The following ATOSA variants were observed in gnomAD, a reference collection of about 807,000 sequenced individuals.
ATOSA encodes atos homolog protein A.
the ATOSA span, among the ~76,000 whole-genome samples, chr15:52,642,239 A>G: frequency 3.3e-5 from 5 of 152,236 alleles, no homozygotes; most frequent in African/African-American, 1.2e-4. Flanking sequence ...TCTCTCAATA[A>G]AACAAAAATC....
chr15:52,681,038 G>C, the ATOSA span, among the ~76,000 whole-genome samples: 1 of 152,208 alleles, frequency 6.6e-6, no homozygotes. Flanking sequence ...TAATGCAAAA[G>C]AGGTAAAAAG....
chr15:52,592,436 C>G, the ATOSA span, among the ~76,000 whole-genome samples: 1 of 152,152 alleles, frequency 6.6e-6, no homozygotes, highest in East Asian at 1.9e-4. Context: ...AGGGCTGATA[C>G]TAATCATATA....
At chr15:52,683,360 C>A in the ATOSA span, among the ~76,000 whole-genome samples, 1 of 152,194 alleles carries the variant, frequency 6.6e-6, no homozygotes, top group African/African-American at 2.4e-5. Flanking sequence ...CTACAATATT[C>A]TGAAATAAGT....
At chr15:52,686,179 G>C in the ATOSA span, among the ~76,000 whole-genome samples, 1 of 152,208 alleles carries the variant, frequency 6.6e-6, no homozygotes, top group Non-Finnish European at 1.5e-5. Context: ...TGAGCTGGTA[G>C]AGATACTGTT....
chr15:52,703,567 T>A, the ATOSA span, among the ~76,000 whole-genome samples: 1 of 152,080 alleles, frequency 6.6e-6, no homozygotes, highest in Non-Finnish European at 1.5e-5. Flanking sequence ...CAACCAGCAA[T>A]TTTACTCCTA....
the ATOSA span, among the ~76,000 whole-genome samples, chr15:52,683,717 A>C: frequency 2.0e-5 from 3 of 152,252 alleles, no homozygotes; most frequent in African/African-American, 7.2e-5. Context: ...AAGTTTAAGC[A>C]GTTAGGCAGT....
At chr15:52,672,890 A>G in the ATOSA span, among the ~76,000 whole-genome samples, 1 of 152,194 alleles carries the variant, frequency 6.6e-6, no homozygotes, top group Non-Finnish European at 1.5e-5. Flanking sequence ...CAACCCCTTT[A>G]GTATCTGAAT....
chr15:52,653,275 G>A, the ATOSA span, among the ~76,000 whole-genome samples: 2 of 152,182 alleles, frequency 1.3e-5, no homozygotes, highest in Non-Finnish European at 2.9e-5. Flanking sequence ...CTATTTTTAA[G>A]TGAGAAGCCA....
At chr15:52,614,032 G>T in the ATOSA span, 4 of 626,282 alleles carry the variant, frequency 6.4e-6, no homozygotes, top group South Asian at 6.8e-5. Context: ...CTACAGAAGT[G>T]AGGAGATGAT....
chr15:52,640,598 A>AAAG, the ATOSA span, among the ~76,000 whole-genome samples: 3 of 135,692 alleles, frequency 2.2e-5, no homozygotes, highest in African/African-American at 7.8e-5. Flanking sequence ...AAAAAAAAAA[A>AAAG]GGCAGCAATC....
At chr15:52,619,319 C>T in the ATOSA span, among the ~76,000 whole-genome samples, 28,957 of 152,014 alleles carry the variant, frequency 0.19, 3,648 homozygotes, top group East Asian at 0.6. Context: ...AACCTCTAAA[C>T]ACAACAGCAA....
chr15:52,651,405 CTTAG>C, the ATOSA span, among the ~76,000 whole-genome samples: 1 of 152,160 alleles, frequency 6.6e-6, no homozygotes, highest in Non-Finnish European at 1.5e-5. Flanking sequence ...AAAAATCTCA[CTTAG>C]TTAAATTCTG....
chr15:52,666,089 T>C, the ATOSA span, among the ~76,000 whole-genome samples: 5 of 152,196 alleles, frequency 3.3e-5, no homozygotes, highest in African/African-American at 7.2e-5. Context: ...GCATTACTAT[T>C]GGGTATTTTC....
chr15:52,635,185 C>T, the ATOSA span, among the ~76,000 whole-genome samples: 1 of 152,158 alleles, frequency 6.6e-6, no homozygotes, highest in African/African-American at 2.4e-5. Flanking sequence ...GAAATAGAAA[C>T]ACCCACAATT....
At chr15:52,650,911 T>C in the ATOSA span, among the ~76,000 whole-genome samples, 3 of 152,244 alleles carry the variant, frequency 2.0e-5, no homozygotes, top group South Asian at 2.1e-4. Context: ...AAATCACATA[T>C]GTAAACTTTA....
At chr15:52,611,367 G>A in the ATOSA span, 1 of 1,385,060 alleles carries the variant, frequency 7.2e-7, no homozygotes, top group Non-Finnish European at 9.8e-7. Flanking sequence ...GTGCTTTGAA[G>A]AGCATAGGAA....
At chr15:52,706,256 C>G in the ATOSA span, among the ~76,000 whole-genome samples, 1 of 152,136 alleles carries the variant, frequency 6.6e-6, no homozygotes, top group Non-Finnish European at 1.5e-5. Flanking sequence ...GCAATGTTCT[C>G]TCAAATGAGT....
At chr15:52,595,085 C>T in the ATOSA span, among the ~76,000 whole-genome samples, 1 of 152,190 alleles carries the variant, frequency 6.6e-6, no homozygotes, top group Non-Finnish European at 1.5e-5. Context: ...GATTCCTGAA[C>T]AAATTTACCT....
chr15:52,642,360 G>A, the ATOSA span, among the ~76,000 whole-genome samples: 1 of 152,166 alleles, frequency 6.6e-6, no homozygotes. Context: ...CTGAGACCTT[G>A]GGAAAAGTCA....
Sources: allele counts gnomAD v4.1 joint callset (sites outside exome capture counted in the v4.1 genomes callset), GRCh38; gene constraint gnomAD v4.1.1; transcripts MANE v1.5; gene names NCBI Gene and HGNC (gene_info 2026-07-23, HGNC 2026-07-21).